The following MYOM1 variants were observed in gnomAD, a reference collection of about 807,000 sequenced individuals.
MYOM1 encodes the protein myomesin-1.
A neutral mutation model predicts 205.3 loss-of-function variants in MYOM1; 164 were observed. The ratio of observed to expected loss-of-function variants is 0.80; its 90% CI spans 0.70 to 0.91. MYOM1 has a LOEUF of 0.91. Among genes scored for constraint, MYOM1 ranks in the 40% least tolerant of loss-of-function variants. The pLI is 0.00. For missense variants in MYOM1, 2,011 were observed against 2,127.3 expected (o/e 0.95, Z 1.08); for synonymous variants, 772 against 789.4 (o/e 0.98, Z 0.37).
At position 3,102,460 on chromosome 18, in the gene MYOM1, G is replaced by A. The variant is rs766098060; in HGVS notation, c.3575+14C>T. 4 of 1,588,438 alleles carry A rather than the reference G, an allele frequency of 2.5e-6. No individual in the cohort carries two copies. The highest frequency in any genetic ancestry group is 4.5e-5 in the East Asian group (2 of 44,388). ...GAAAAGGAAACCCATGATTGTGATTGACATAGTCCTTACTTGTTGCCCTTG... is the reference window on the plus strand; with the variant it reads ...GAAAAGGAAACCCATGATTGTGATTAACATAGTCCTTACTTGTTGCCCTTG... On this transcript the variant is annotated intron_variant, in intron 23 of 37. Transcript: ENST00000356443.
intron 5 of MYOM1, among the ~76,000 whole-genome samples, chr18:3,186,167 G>C (rs2080806077): frequency 6.6e-6 from 1 of 152,104 alleles, no homozygotes. Context: ...CTGCATTCCA[G>C]CCTGGGTGAC....
At chr18:3,186,402 G>A (rs1361815404) in intron 5 of MYOM1, among the ~76,000 whole-genome samples, 1 of 151,994 alleles carries the variant, frequency 6.6e-6, no homozygotes, top group Admixed American at 6.6e-5. Flanking sequence ...CTGAAAATAA[G>A]AAAAAAGCAT....
chr18:3,078,182 C>T (rs1339039250), intron 34 of MYOM1, among the ~76,000 whole-genome samples: 1 of 151,926 alleles, frequency 6.6e-6, no homozygotes, highest in African/African-American at 2.4e-5. Flanking sequence ...GCTGGGATTA[C>T]AGGCATGTGC....
chr18:3,222,339 G>C (rs910111417), upstream of MYOM1, among the ~76,000 whole-genome samples: 2 of 152,198 alleles, frequency 1.3e-5, no homozygotes, highest in African/African-American at 4.8e-5. Context: ...CCTGAATCTA[G>C]ATGATGCCAC....
At chr18:3,160,287 A>C (rs1291217575) in intron 10 of MYOM1, among the ~76,000 whole-genome samples, 1 of 151,772 alleles carries the variant, frequency 6.6e-6, no homozygotes, top group Non-Finnish European at 1.5e-5. Flanking sequence ...TCTTGGGCTC[A>C]AGCAATCCTC....
At chr18:3,154,425 C>A (rs2144003649) in intron 11 of MYOM1, among the ~76,000 whole-genome samples, 1 of 151,998 alleles carries the variant, frequency 6.6e-6, no homozygotes, top group Non-Finnish European at 1.5e-5. Flanking sequence ...CAGAGGCCAT[C>A]TTGGAAATGA....
intron 9 of MYOM1, among the ~76,000 whole-genome samples, chr18:3,167,293 T>C (rs757501877): frequency 6.6e-6 from 1 of 152,232 alleles, no homozygotes; most frequent in Non-Finnish European, 1.5e-5. Flanking sequence ...CTTCAGACAG[T>C]TTCTATATCT....
At position 3,127,305 on chromosome 18, in the gene MYOM1, A is replaced by ATATATATATTTTTT. The variant is rs56880961; in HGVS notation, c.2795-409_2795-408insAAAAAATATATATA. Among the ~76,000 whole-genome samples, 24 of 47,562 alleles carry ATATATATATTTTTT rather than the reference A, an allele frequency of 5.0e-4. 1 individual carries two copies. Among genetic ancestry groups the ATATATATATTTTTT allele is most frequent in the Middle Eastern group, 0.016 (1 of 64 alleles). 31.2% of individuals were successfully genotyped at this position (47,562 alleles called of 152,430 possible). Reference sequence around the variant, plus strand: ...TCCATATATATATATATATATATATATTTTTTTTTTTTTTTTTTTTGAGCT... The same window carrying ATATATATATTTTTT: ...TCCATATATATATATATATATATATATATATATATTTTTTTTTTTTTTTTTTTTTTTTTTGAGCT... On this transcript the variant is annotated intron_variant, in intron 18 of 37. Coordinates refer to ENST00000356443, the MANE Select transcript of MYOM1 (RefSeq NM_003803.4).
intron 19 of MYOM1, among the ~76,000 whole-genome samples, chr18:3,125,688 C>T (rs1304973926): frequency 6.6e-6 from 1 of 152,130 alleles, no homozygotes; most frequent in African/African-American, 2.4e-5. Context: ...CTGGCCTCAC[C>T]CTGCTCTGAA....
chr18:3,177,416 AC>A (rs1193059796), intron 5 of MYOM1, among the ~76,000 whole-genome samples: 4 of 150,736 alleles, frequency 2.7e-5, no homozygotes, highest in Non-Finnish European at 2.9e-5. Context: ...CTTCCTGCTA[AC>A]ATTCTTGCAT....
chr18:3,215,392 G>T, intron 1 of MYOM1, 141 bp from the exon 2 acceptor site: 1 of 711,516 alleles, frequency 1.4e-6, no homozygotes, highest in Non-Finnish European at 2.3e-6. Context: ...GATCTCTCGA[G>T]GCCGGGAGCT....
chr18:3,245,803 C>T, the MYOM1 span, among the ~76,000 whole-genome samples: 11 of 152,172 alleles, frequency 7.2e-5, no homozygotes, highest in Admixed American at 6.5e-4. Flanking sequence ...TGGGGGACAC[C>T]TTCCACTAGT....
chr18:3,242,959 CTATT>C, the MYOM1 span, among the ~76,000 whole-genome samples: 2 of 152,066 alleles, frequency 1.3e-5, no homozygotes, highest in African/African-American at 2.4e-5. Flanking sequence ...AAGCATGTAT[CTATT>C]TAACTTATTT....
rs537808736 is a variant in MYOM1 at position 3,094,218 on chromosome 18, A to G, written c.3816T>C (p.Asn1272=). 1.2e-6 allele frequency: 2 copies of G among 1,614,000 alleles called. No individual in the cohort carries two copies. The highest frequency in any genetic ancestry group is 1.1e-5 in the South Asian group (1 of 91,084). ...CGTTAAATATGTAGTTGACTTTGGC[A>G]TTGCCAGACAGTTTCTCAGCCTGCA... ...FWMQAEKLSG[N]AKVNYIFNEK... The change falls in exon 26 of 38, where the codon AAT becomes AAC. Residue 1272 remains asparagine (N), a synonymous_variant. Coordinates refer to ENST00000356443, the MANE Select transcript of MYOM1 (RefSeq NM_003803.4).
intron 8 of MYOM1, among the ~76,000 whole-genome samples, chr18:3,172,194 A>G (rs2080568070): frequency 6.6e-6 from 1 of 152,224 alleles, no homozygotes; most frequent in South Asian, 2.1e-4. Context: ...CAAGCACCTA[A>G]ACCCCTACCT....
the MYOM1 span, among the ~76,000 whole-genome samples, chr18:3,235,913 A>C: frequency 6.6e-6 from 1 of 152,240 alleles, no homozygotes; most frequent in African/African-American, 2.4e-5. Context: ...AATCTGAAGA[A>C]AGAGCATTGA....
chr18:3,119,309 C>A (rs1567915838), intron 20 of MYOM1, among the ~76,000 whole-genome samples: 1 of 152,040 alleles, frequency 6.6e-6, no homozygotes, highest in Admixed American at 6.6e-5. Flanking sequence ...CAGCCTTAAA[C>A]CCTAGACAGG....
At chr18:3,196,305 T>C (rs2080989724) in intron 2 of MYOM1, among the ~76,000 whole-genome samples, 1 of 152,242 alleles carries the variant, frequency 6.6e-6, no homozygotes. Flanking sequence ...AATTTTAAAG[T>C]TGAATAATGT....
chr18:3,187,176 T>C (rs975249069), intron 5 of MYOM1, among the ~76,000 whole-genome samples: 1 of 152,220 alleles, frequency 6.6e-6, no homozygotes, highest in Non-Finnish European at 1.5e-5. Context: ...GTAAGAGTTA[T>C]AGACATATAT....
Sources: gnomAD v4.1 joint callset for allele counts (sites outside exome capture counted in the v4.1 genomes callset) on GRCh38, gnomAD v4.1.1 for gene constraint, MANE v1.5 for transcripts, NCBI Gene and HGNC (gene_info 2026-07-23, HGNC 2026-07-21) for gene names.